The following SHISA9 variants were observed in gnomAD, a reference collection of about 807,000 sequenced individuals.
The protein encoded by SHISA9 is shisa family member 9.
SHISA9 carries 13 observed loss-of-function variants against 38.0 expected under a neutral mutation model. That is an observed-to-expected ratio of 0.34 (90% CI 0.22 to 0.54). The LOEUF (loss-of-function observed/expected upper bound fraction) is 0.54, where lower values mean the gene tolerates loss of function less well. Ranked by LOEUF, SHISA9 falls within the 20% of genes least tolerant of loss-of-function variation. The pLI is 0.91. For missense variants in SHISA9, 538 were observed against 575.8 expected (o/e 0.93, Z 0.67); for synonymous variants, 275 against 242.0 (o/e 1.14, Z -1.27).
rs1435876504 is a variant in SHISA9 at position 13,239,183 on chromosome 16, T to C, written c.*3774T>C. 6.6e-6 allele frequency: 1 copy of C among 151,982 alleles called. No homozygotes were observed. Among genetic ancestry groups the C allele is most frequent in the Non-Finnish European group, 1.5e-5 (1 of 67,994 alleles). 9.4% of individuals were successfully genotyped at this position (151,982 alleles called of 1,614,324 possible). A position where few individuals can be genotyped will look rare whatever the true frequency, so the allele number is the denominator to read the frequency against. ...ACATGAACTCATCATTTTTTATGGCTGCATAGTATTCCATGGTGTATATGT... is the reference window on the plus strand; with the variant it reads ...ACATGAACTCATCATTTTTTATGGCCGCATAGTATTCCATGGTGTATATGT... On this transcript the variant is annotated 3_prime_UTR_variant, in exon 5 of 5. Transcript: ENST00000558583.
the SHISA9 span, among the ~76,000 whole-genome samples, chr16:13,492,695 T>G: frequency 1.3e-5 from 2 of 152,218 alleles, no homozygotes; most frequent in Non-Finnish European, 2.9e-5. Context: ...ACTAATGGAC[T>G]GATTGCAGCT....
At chr16:13,032,901 G>A (rs536720816) in intron 2 of SHISA9, among the ~76,000 whole-genome samples, 1 of 152,304 alleles carries the variant, frequency 6.6e-6, no homozygotes, top group East Asian at 1.9e-4. Context: ...CAAAAAGCTT[G>A]TAATTGCAAA....
chr16:13,539,366 G>T, the SHISA9 span, among the ~76,000 whole-genome samples: 1 of 116,160 alleles, frequency 8.6e-6, no homozygotes, highest in Non-Finnish European at 1.8e-5. Flanking sequence ...TATAAAGACA[G>T]GATCTCACTG....
chr16:13,483,644 C>G, the SHISA9 span, among the ~76,000 whole-genome samples: 1 of 151,998 alleles, frequency 6.6e-6, no homozygotes, highest in Non-Finnish European at 1.5e-5. Flanking sequence ...CTTCCCCGGT[C>G]TTTCTGATTG....
chr16:13,497,146 A>C, the SHISA9 span, among the ~76,000 whole-genome samples: 2 of 152,150 alleles, frequency 1.3e-5, no homozygotes, highest in Non-Finnish European at 2.9e-5. Context: ...CTTTTTTTAA[A>C]TTTTATTTTT....
At chr16:13,118,911 T>A (rs1355185380) in intron 2 of SHISA9, among the ~76,000 whole-genome samples, 1 of 152,048 alleles carries the variant, frequency 6.6e-6, no homozygotes, top group Non-Finnish European at 1.5e-5. Flanking sequence ...TTTGTATTTT[T>A]AGTAGAGACG....
At chr16:13,019,326 A>G (rs1032737971) in intron 2 of SHISA9, among the ~76,000 whole-genome samples, 1 of 152,102 alleles carries the variant, frequency 6.6e-6, no homozygotes, top group African/African-American at 2.4e-5. Context: ...ACAGTTCTGG[A>G]GGCTAGAAGT....
chr16:12,930,086 C>T (rs555559650), intron 2 of SHISA9, among the ~76,000 whole-genome samples: 1 of 152,290 alleles, frequency 6.6e-6, no homozygotes, highest in South Asian at 2.1e-4. Flanking sequence ...TCTACTTGCT[C>T]CTTTCACATT....
chr16:13,430,093 A>ATCT, the SHISA9 span, among the ~76,000 whole-genome samples: 1,355 of 152,352 alleles, frequency 8.9e-3, 7 homozygotes, highest in Admixed American at 0.015. Flanking sequence ...AAAGACAGGC[A>ATCT]TCTATAAGTC....
the SHISA9 span, among the ~76,000 whole-genome samples, chr16:13,507,004 C>G: frequency 6.6e-6 from 1 of 152,122 alleles, no homozygotes; most frequent in South Asian, 2.1e-4. Flanking sequence ...GATTGTACCA[C>G]TGCACTCCCT....
At chr16:13,124,036 G>T (rs1352130585) in intron 2 of SHISA9, among the ~76,000 whole-genome samples, 1 of 152,162 alleles carries the variant, frequency 6.6e-6, no homozygotes, top group Non-Finnish European at 1.5e-5. Flanking sequence ...CTCCCCCTGT[G>T]AGGAAAGTCC....
intron 2 of SHISA9, among the ~76,000 whole-genome samples, chr16:12,986,143 T>C (rs1307625596): frequency 1.3e-5 from 2 of 152,210 alleles, no homozygotes; most frequent in African/African-American, 4.8e-5. Context: ...AAATTGCTCA[T>C]ATACAAACCC....
chr16:13,256,560 G>A, the SHISA9 span, among the ~76,000 whole-genome samples: 198 of 152,296 alleles, frequency 1.3e-3, no homozygotes, highest in African/African-American at 3.9e-3. Context: ...GATTACAGGC[G>A]TGAGCCACTG....
chr16:13,454,646 C>T, the SHISA9 span, among the ~76,000 whole-genome samples: 1 of 152,196 alleles, frequency 6.6e-6, no homozygotes, highest in African/African-American at 2.4e-5. Context: ...GCTCTAACAC[C>T]TGTGCTTCAC....
intron 2 of SHISA9, among the ~76,000 whole-genome samples, chr16:13,141,479 G>A (rs1365296919): frequency 6.6e-6 from 1 of 152,010 alleles, no homozygotes; most frequent in Non-Finnish European, 1.5e-5. Flanking sequence ...GAGGTCAAGA[G>A]ATCGAGACCA....
chr16:13,463,384 G>A, the SHISA9 span, among the ~76,000 whole-genome samples: 1 of 152,210 alleles, frequency 6.6e-6, no homozygotes, highest in African/African-American at 2.4e-5. Flanking sequence ...TGGAGAAAGA[G>A]TTCTTGAAAG....
intron 2 of SHISA9, among the ~76,000 whole-genome samples, chr16:12,947,387 G>A (rs1238279466): frequency 1.1e-4 from 17 of 152,154 alleles, no homozygotes; most frequent in Admixed American, 1.1e-3. Flanking sequence ...CTTAATCAGG[G>A]GAGTGCATGG....
At chr16:13,187,998 G>A (rs759140585) in intron 2 of SHISA9, among the ~76,000 whole-genome samples, 1 of 152,126 alleles carries the variant, frequency 6.6e-6, no homozygotes, top group Admixed American at 6.5e-5. Flanking sequence ...CTCCAACCGT[G>A]GGGGAAGTGT....
chr16:13,562,302 A>C, the SHISA9 span, among the ~76,000 whole-genome samples: 1 of 152,168 alleles, frequency 6.6e-6, no homozygotes, highest in Non-Finnish European at 1.5e-5. Context: ...CTGATTTAGT[A>C]AATGAAAATG....
Sources: gnomAD v4.1 joint callset for allele counts (sites outside exome capture counted in the v4.1 genomes callset) on GRCh38, gnomAD v4.1.1 for gene constraint, MANE v1.5 for transcripts, NCBI Gene and HGNC (gene_info 2026-07-23, HGNC 2026-07-21) for gene names.